Variants in PKNOX2 observed in about 807,000 individuals in gnomAD.
The protein encoded by PKNOX2 is homeobox protein PKNOX2.
Under a neutral mutation model 53.1 loss-of-function variants are expected in PKNOX2, and 14 were observed. The ratio of observed to expected loss-of-function variants is 0.26; its 90% confidence interval spans 0.17 to 0.41. PKNOX2 has a LOEUF of 0.41. Among genes scored for constraint, PKNOX2 ranks in the 10% least tolerant of loss-of-function variants. PKNOX2 has a pLI of 1.00. For synonymous variants in PKNOX2, 257 were observed against 242.8 expected, an observed-to-expected ratio of 1.06 and a Z score of -0.54; for missense variants, 496 against 602.8, an observed-to-expected ratio of 0.82 and a Z score of 1.85.
In PKNOX2 at chr11:125,283,166, T is replaced by TAATAA. The variant is rs140414026; in HGVS notation, c.-130+48078_-130+48082dup. ...GACTCCATCTCAAAAAATATATAAA[T>TAATAA]AATAAAATAAAATAAAATAAAATAA... On this transcript the variant is annotated intron_variant, in intron 2 of 12. Transcript: ENST00000298282. 3.1e-3 allele frequency among the ~76,000 whole-genome samples: 471 copies of TAATAA among 151,104 alleles called. 3 individuals carry two copies. The highest frequency in any genetic ancestry group is 3.9e-3 in the East Asian group (20 of 5,144).
intron 4 of PKNOX2, among the ~76,000 whole-genome samples, chr11:125,361,990 A>C (rs1248872366): frequency 6.6e-6 from 1 of 152,202 alleles, no homozygotes; most frequent in East Asian, 1.9e-4. Flanking sequence ...TGGGTTCCAC[A>C]TGGGAGAACT....
intron 2 of PKNOX2, among the ~76,000 whole-genome samples, chr11:125,298,739 C>T (rs1198052351): frequency 6.6e-6 from 1 of 152,200 alleles, no homozygotes; most frequent in Non-Finnish European, 1.5e-5. Context: ...GCAAGGCTGT[C>T]AGAAGAAGCC....
intron 1 of PKNOX2, among the ~76,000 whole-genome samples, chr11:125,217,794 T>C (rs1161519820): frequency 6.6e-6 from 1 of 152,152 alleles, no homozygotes; most frequent in Non-Finnish European, 1.5e-5. Context: ...AATTTCTATG[T>C]GAGATAATTA....
intron 2 of PKNOX2, among the ~76,000 whole-genome samples, chr11:125,311,740 G>C (rs1041812154): frequency 2.0e-5 from 3 of 152,132 alleles, no homozygotes; most frequent in Admixed American, 1.3e-4. Flanking sequence ...CAAGTTTTCT[G>C]TTCTACCCAG....
At chr11:125,303,560 C>T (rs544758701) in intron 2 of PKNOX2, among the ~76,000 whole-genome samples, 2 of 152,314 alleles carry the variant, frequency 1.3e-5, no homozygotes, top group African/African-American at 4.8e-5. Flanking sequence ...AGACTCATGG[C>T]CTTGGAGATT....
intron 2 of PKNOX2, among the ~76,000 whole-genome samples, chr11:125,262,051 G>C (rs932813371): frequency 3.3e-5 from 5 of 152,154 alleles, no homozygotes; most frequent in African/African-American, 1.2e-4. Context: ...AGGGCACCTG[G>C]AGGGGAAGAG....
At chr11:125,314,467 C>G (rs934553340) in intron 2 of PKNOX2, among the ~76,000 whole-genome samples, 1 of 152,184 alleles carries the variant, frequency 6.6e-6, no homozygotes, top group Non-Finnish European at 1.5e-5. Context: ...CCGGCAGTTT[C>G]TCCTCCTGGG....
chr11:125,333,094 G>A (rs990967726), intron 3 of PKNOX2, among the ~76,000 whole-genome samples: 1 of 152,204 alleles, frequency 6.6e-6, no homozygotes, highest in African/African-American at 2.4e-5. Flanking sequence ...TCAACATTTG[G>A]AGTCTGTGTA....
intron 1 of PKNOX2, among the ~76,000 whole-genome samples, chr11:125,212,676 C>T (rs1376719535): frequency 1.3e-5 from 2 of 151,764 alleles, no homozygotes; most frequent in Non-Finnish European, 2.9e-5. Flanking sequence ...CTTTTTATAT[C>T]CCTGGGCTGA....
At chr11:125,241,582 C>T (rs527308326) in intron 2 of PKNOX2, among the ~76,000 whole-genome samples, 1 of 152,320 alleles carries the variant, frequency 6.6e-6, no homozygotes, top group African/African-American at 2.4e-5. Flanking sequence ...AGGGGACTGG[C>T]GCGGTGGCTC....
chr11:125,292,522 G>A (rs567892162), intron 2 of PKNOX2, among the ~76,000 whole-genome samples: 87 of 152,276 alleles, frequency 5.7e-4, no homozygotes, highest in African/African-American at 1.8e-3. Context: ...GTTGATTCTG[G>A]GTTCTGGGGG....
intron 3 of PKNOX2, among the ~76,000 whole-genome samples, chr11:125,337,894 G>A (rs143885678): frequency 3.9e-5 from 6 of 152,186 alleles, no homozygotes; most frequent in East Asian, 1.9e-4. Context: ...TATTTGTCTC[G>A]GGAAGAAGTC....
chr11:125,242,174 G>C (rs537184576), intron 2 of PKNOX2, among the ~76,000 whole-genome samples: 3 of 152,140 alleles, frequency 2.0e-5, no homozygotes, highest in Admixed American at 2.0e-4. Context: ...GTCTCATTTC[G>C]CACATGCTCA....
chr11:125,304,649 A>C, intron 2 of PKNOX2, among the ~76,000 whole-genome samples: 1 of 152,256 alleles, frequency 6.6e-6, no homozygotes, highest in East Asian at 1.9e-4. Context: ...GAGACTTGAA[A>C]AGCCCATAAG....
intron 2 of PKNOX2, among the ~76,000 whole-genome samples, chr11:125,250,074 A>G (rs1205506842): frequency 1.3e-5 from 2 of 150,282 alleles, no homozygotes; most frequent in Non-Finnish European, 3.0e-5. Context: ...TCAAAAAAAA[A>G]AAAAAAAAAA....
intron 10 of PKNOX2, among the ~76,000 whole-genome samples, chr11:125,416,687 T>A (rs1357625782): frequency 6.6e-6 from 1 of 152,054 alleles, no homozygotes; most frequent in Non-Finnish European, 1.5e-5. Context: ...TCTCAAGCAT[T>A]CAGAGTGCTG....
intron 2 of PKNOX2, among the ~76,000 whole-genome samples, chr11:125,250,772 A>C (rs1319789053): frequency 1.3e-5 from 2 of 152,232 alleles, no homozygotes; most frequent in Non-Finnish European, 2.9e-5. Context: ...TTCACACAAC[A>C]TAGATGGAGC....
At chr11:125,281,247 C>G (rs548907110) in intron 2 of PKNOX2, among the ~76,000 whole-genome samples, 1 of 152,290 alleles carries the variant, frequency 6.6e-6, no homozygotes, top group Admixed American at 6.5e-5. Context: ...AACGTATATG[C>G]GTGGTATGGC....
At chr11:125,263,906 A>G (rs1945092538) in intron 2 of PKNOX2, among the ~76,000 whole-genome samples, 1 of 152,174 alleles carries the variant, frequency 6.6e-6, no homozygotes, top group Non-Finnish European at 1.5e-5. Context: ...GGAATGGCGT[A>G]TAAGGGGGTG....
Sources: allele counts gnomAD v4.1 joint callset (sites outside exome capture counted in the v4.1 genomes callset), GRCh38; gene constraint gnomAD v4.1.1; transcripts MANE v1.5; gene names NCBI Gene and HGNC (gene_info 2026-07-23, HGNC 2026-07-21).